The following FAM118A variants were observed in gnomAD, a reference collection of about 807,000 sequenced individuals.
FAM118A encodes SIR2 antiphage like 2, also known as protein FAM118A.
Under a neutral mutation model 38.2 loss-of-function variants are expected in FAM118A, and 25 were observed. That is an observed-to-expected ratio of 0.65 (90% CI 0.48 to 0.91). FAM118A has a LOEUF of 0.91. FAM118A is among the 40% of genes least tolerant of loss of function. The pLI, the probability that FAM118A is intolerant of heterozygous loss-of-function variation, is 0.00. For synonymous variants in FAM118A, 178 were observed against 184.1 expected (o/e 0.97, Z 0.27); for missense variants, 425 against 463.3 (o/e 0.92, Z 0.76).
In FAM118A at chr22:45,336,312, A is replaced by G. The variant is rs1404153831; in HGVS notation, c.971-16A>G. On this transcript the variant is annotated splice_polypyrimidine_tract_variant and intron_variant, in intron 7 of 8. Transcript: ENST00000441876. ...TTCTGAATAAACAAGCTTCTTAATAAATTCTTCTCTTTTAGGTAATGCATG... is the reference window on the plus strand; with the variant it reads ...TTCTGAATAAACAAGCTTCTTAATAGATTCTTCTCTTTTAGGTAATGCATG... 1.9e-6 allele frequency: 3 copies of G among 1,603,556 alleles called. No homozygotes were observed. The highest frequency in any genetic ancestry group is 2.6e-6 in the Non-Finnish European group (3 of 1,171,218).
At chr22:45,316,193 C>G (rs1014206088) in intron 1 of FAM118A, among the ~76,000 whole-genome samples, 4 of 152,182 alleles carry the variant, frequency 2.6e-5, no homozygotes, top group Non-Finnish European at 4.4e-5. Flanking sequence ...GTGCGCACCA[C>G]CATACCTGGC....
rs190701899 is a variant in FAM118A, at chr22:45,340,507, C to T, written c.*102C>T. 2,204 of 1,383,514 alleles carry T rather than the reference C, an allele frequency of 1.6e-3. 17 individuals are homozygous for T. Among genetic ancestry groups the T allele is most frequent in the Non-Finnish European group, 9.8e-4 (956 of 971,206 alleles). 85.7% of individuals were successfully genotyped at this position (1,383,514 alleles called of 1,614,324 possible). ...AGAACTCCACGTGGATCTCTGATTGCGAAACCGTCACATACACCAAGAGAG... is the reference window on the plus strand; with the variant it reads ...AGAACTCCACGTGGATCTCTGATTGTGAAACCGTCACATACACCAAGAGAG... On this transcript the variant is annotated 3_prime_UTR_variant, in exon 9 of 9. Transcript: ENST00000441876.
rs1053652780 is a variant in FAM118A, at chr22:45,310,051, C to A, written c.-142C>A. 1 of 152,316 alleles carries A rather than the reference C, an allele frequency of 6.6e-6. No individual in the cohort carries two copies. The highest frequency in any genetic ancestry group is 2.1e-4 in the South Asian group (1 of 4,828). The allele number at this position is 152,316 out of a possible 1,614,324, so 9.4% of individuals were successfully genotyped here. On this transcript the variant is annotated 5_prime_UTR_variant, in exon 1 of 9. Coordinates refer to ENST00000441876, the MANE Select transcript of FAM118A (RefSeq NM_017911.4). ...AGCCCGCGTGCCTGCGCAGTCCCCT[C>A]CCCGAGAACCATCCCCTTGCCCCGC...
chr22:45,327,844 C>T lies in FAM118A; in HGVS notation c.303C>T (p.Arg101=). 1 of 1,614,206 alleles carries T rather than the reference C, an allele frequency of 6.2e-7. No homozygotes were observed. Among genetic ancestry groups the T allele is most frequent in the Non-Finnish European group, 8.5e-7 (1 of 1,180,026 alleles). Residue 101 remains arginine, a splice_region_variant and synonymous_variant, in exon 4 of 9, where the codon CGC becomes CGT. Transcript: ENST00000441876. ...AHDLIRKMSP[R]TGDAKPSFFQ... Reference sequence around the variant, plus strand: ...ACTGTCGTTCCACCTTTTTGTAGCGCACAGGCGATGCCAAGCCCAGCTTCT... The same window carrying T: ...ACTGTCGTTCCACCTTTTTGTAGCGTACAGGCGATGCCAAGCCCAGCTTCT...
intron 8 of FAM118A, among the ~76,000 whole-genome samples, chr22:45,338,733 C>T (rs2086272542): frequency 6.6e-6 from 1 of 152,180 alleles, no homozygotes; most frequent in South Asian, 2.1e-4. Flanking sequence ...ATATAGCAGT[C>T]CACCCAAAAT....
intron 6 of FAM118A, among the ~76,000 whole-genome samples, chr22:45,333,071 C>T (rs1443642215): frequency 6.6e-6 from 1 of 152,094 alleles, no homozygotes; most frequent in African/African-American, 2.4e-5. Context: ...ACAAAACTCA[C>T]AGGGCTCTTC....
intron 1 of FAM118A, among the ~76,000 whole-genome samples, chr22:45,311,883 A>G (rs771962273): frequency 2.0e-5 from 3 of 151,738 alleles, no homozygotes; most frequent in African/African-American, 4.8e-5. Flanking sequence ...CTGAACTTTA[A>G]GTGAGGTTTT....
At chr22:45,339,241 C>T (rs928611701) in intron 8 of FAM118A, among the ~76,000 whole-genome samples, 1 of 152,144 alleles carries the variant, frequency 6.6e-6, no homozygotes, top group Admixed American at 6.5e-5. Context: ...ACTAAAAATA[C>T]AAAAATTAAC....
At chr22:45,320,766 G>A (rs377202779) in intron 1 of FAM118A, among the ~76,000 whole-genome samples, 2 of 152,284 alleles carry the variant, frequency 1.3e-5, no homozygotes, top group African/African-American at 4.8e-5. Flanking sequence ...TGCTGGTTTG[G>A]ATGTGGCAAA....
Position 45,323,285 on chromosome 22 carries a change from G to T in FAM118A, c.158G>T (p.Arg53Ile). The T allele has an allele frequency of 6.2e-7, 1 of 1,614,218 alleles. No homozygotes were observed. Among genetic ancestry groups the T allele is most frequent in the South Asian group, 1.1e-5 (1 of 91,084 alleles). The change falls in exon 3 of 9, where the codon AGA becomes ATA. Residue 53 changes from arginine to isoleucine, a missense_variant. Transcript: ENST00000441876. ...APGIPALCSW[R>I]SCIEAVIEAA... is the part of the protein sequence containing the mutation. ...GGAATCCCTGCCCTTTGCTCGTGGAGAAGCTGCATCGAGGCCGTCATCGAG... is the reference window on the plus strand; with the variant it reads ...GGAATCCCTGCCCTTTGCTCGTGGATAAGCTGCATCGAGGCCGTCATCGAG...
At chr22:45,314,368 C>T (rs1461050390) in intron 1 of FAM118A, among the ~76,000 whole-genome samples, 2 of 152,160 alleles carry the variant, frequency 1.3e-5, no homozygotes, top group Non-Finnish European at 2.9e-5. Flanking sequence ...GAAAACTAAA[C>T]TGTGCCTTAT....
At chr22:45,330,459 A>C in intron 4 of FAM118A, 144 bp from the exon 5 acceptor site, 1 of 894,280 alleles carries the variant, frequency 1.1e-6, no homozygotes, top group African/African-American at 1.7e-5. Flanking sequence ...TTAGGTTTTG[A>C]AGGTATAAGT....
chr22:45,334,972 T>G, intron 6 of FAM118A: 1 of 203,632 alleles, frequency 4.9e-6, no homozygotes, highest in Non-Finnish European at 9.9e-6. Context: ...GGCAAGTGGA[T>G]TCGACAGGCT....
intron 8 of FAM118A, 44 bp downstream of exon 8, chr22:45,336,455 CTT>C: frequency 6.7e-7 from 1 of 1,503,310 alleles, no homozygotes; most frequent in Non-Finnish European, 9.3e-7. Context: ...TCGGGTCTCT[CTT>C]GTTGGCAGGC....
At chr22:45,337,712 T>C (rs539588567) in intron 8 of FAM118A, 91 of 414,886 alleles carry the variant, frequency 2.2e-4, no homozygotes, top group African/African-American at 1.9e-3. Flanking sequence ...CCCCTCCTTC[T>C]CTCTGAGATG....
chr22:45,315,915 G>T (rs1237558206), intron 1 of FAM118A, among the ~76,000 whole-genome samples: 3 of 152,186 alleles, frequency 2.0e-5, no homozygotes, highest in African/African-American at 7.2e-5. Flanking sequence ...TTTGTGCCTT[G>T]TTTCCAGTTC....
intron 3 of FAM118A, among the ~76,000 whole-genome samples, chr22:45,325,225 G>C (rs377549976): frequency 2.0e-4 from 30 of 152,168 alleles, no homozygotes; most frequent in African/African-American, 7.0e-4. Context: ...CGTTTGTCTT[G>C]AAAACAAGTA....
rs975789092 is a variant in FAM118A at position 45,310,048 on chromosome 22, C to T, written c.-145C>T. ...TCTAGCCCGCGTGCCTGCGCAGTCCCCTCCCCGAGAACCATCCCCTTGCCC... is the reference window on the plus strand; with the variant it reads ...TCTAGCCCGCGTGCCTGCGCAGTCCTCTCCCCGAGAACCATCCCCTTGCCC... On this transcript the variant is annotated 5_prime_UTR_variant, in exon 1 of 9. Transcript: ENST00000441876. 3.3e-5 allele frequency: 5 copies of T among 152,164 alleles called. No individual in the cohort carries two copies. The highest frequency in any genetic ancestry group is 3.3e-4 in the Admixed American group (5 of 15,280). The allele number at this position is 152,164 out of a possible 1,614,324, so 9.4% of individuals were successfully genotyped here. A position where few individuals can be genotyped will look rare whatever the true frequency, so the allele number is the denominator to read the frequency against.
At chr22:45,332,751 CT>C (rs58672588) in intron 6 of FAM118A, 41 bp downstream of exon 6, 42,474 of 1,206,052 alleles carry the variant, frequency 0.035, no homozygotes, top group Non-Finnish European at 0.038. Flanking sequence ...TTTCTTTTTT[CT>C]TTTTTTTTTT....
Sources: allele counts gnomAD v4.1 joint callset (sites outside exome capture counted in the v4.1 genomes callset), GRCh38; gene constraint gnomAD v4.1.1; transcripts MANE v1.5; gene names NCBI Gene and HGNC (gene_info 2026-07-23, HGNC 2026-07-21).